The following GRID1 variants were observed in gnomAD, a reference collection of about 807,000 sequenced individuals.
GRID1 encodes the protein glutamate receptor ionotropic, delta-1.
GRID1 carries 28 observed loss-of-function variants against 98.0 expected under a neutral mutation model. The observed-to-expected ratio is 0.29, with a 90% CI of 0.21 to 0.39. The LOEUF (loss-of-function observed/expected upper bound fraction) is 0.39, where lower values mean the gene tolerates loss of function less well. Among genes scored for constraint, GRID1 ranks in the 10% least tolerant of loss-of-function variants. The pLI is 1.00. For missense variants in GRID1, 1,111 were observed against 1,340.5 expected (o/e 0.83, Z 2.67); for synonymous variants, 553 against 538.5 (o/e 1.03, Z -0.37).
rs146283906 is a variant in GRID1, at chr10:85,642,967, G to A, written c.2193+4235C>T. Among the ~76,000 whole-genome samples, 24 of 152,154 alleles carry A rather than the reference G, an allele frequency of 1.6e-4. No homozygotes were observed. The East Asian group carries it at 4.3e-3, about 27-fold the overall frequency. ...GCATGAAGGAGTGGATCTCAGAGGC[G>A]AGCCAACCATGACATAACCCTTCTC... is the stretch of plus-strand genomic sequence containing the variant. On this transcript the variant is annotated intron_variant, in intron 13 of 15. Coordinates refer to ENST00000327946, the MANE Select transcript of GRID1 (RefSeq NM_017551.3).
chr10:86,271,565 G>C (rs1847185415), intron 2 of GRID1, among the ~76,000 whole-genome samples: 1 of 152,208 alleles, frequency 6.6e-6, no homozygotes, highest in Non-Finnish European at 1.5e-5. Context: ...TAGAGACATG[G>C]AAGATTTAAA....
At chr10:86,164,151 T>G (rs1490189392) in intron 3 of GRID1, among the ~76,000 whole-genome samples, 8 of 152,202 alleles carry the variant, frequency 5.3e-5, no homozygotes, top group Non-Finnish European at 2.9e-5. Flanking sequence ...ATTACCCGCT[T>G]CAATTATTTT....
At chr10:85,782,598 A>T (rs2132728232) in intron 8 of GRID1, among the ~76,000 whole-genome samples, 1 of 152,360 alleles carries the variant, frequency 6.6e-6, no homozygotes, top group Admixed American at 6.5e-5. Context: ...AAGAAGAGTT[A>T]TTTGAGTAAA....
At chr10:85,660,832 G>A (rs918190064) in intron 12 of GRID1, among the ~76,000 whole-genome samples, 7 of 152,062 alleles carry the variant, frequency 4.6e-5, no homozygotes, top group Non-Finnish European at 1.0e-4. Flanking sequence ...AAGGAGTTCA[G>A]AACCTAGGCA....
intron 3 of GRID1, among the ~76,000 whole-genome samples, chr10:86,178,825 AAGCC>A (rs1845614296): frequency 6.6e-6 from 1 of 152,126 alleles, no homozygotes. Flanking sequence ...GAGACCCTCA[AAGCC>A]AGTGCCATGT....
At chr10:85,958,411 G>A (rs1478542947) in intron 4 of GRID1, among the ~76,000 whole-genome samples, 1 of 152,144 alleles carries the variant, frequency 6.6e-6, no homozygotes, top group Admixed American at 6.5e-5. Context: ...ATGTCTATTT[G>A]ACTGGGCCAC....
intron 8 of GRID1, among the ~76,000 whole-genome samples, chr10:85,789,012 T>C (rs1842454615): frequency 6.6e-6 from 1 of 151,840 alleles, no homozygotes; most frequent in Admixed American, 6.6e-5. Flanking sequence ...CATTTCTTGA[T>C]TAAGAGGGAA....
chr10:86,157,907 G>A (rs539744853), intron 3 of GRID1, among the ~76,000 whole-genome samples: 16 of 152,310 alleles, frequency 1.1e-4, no homozygotes, highest in Admixed American at 3.9e-4. Context: ...CCTGAGCTCC[G>A]GCTCCAGCTG....
intron 4 of GRID1, among the ~76,000 whole-genome samples, chr10:86,113,121 T>A (rs1287195510): frequency 6.6e-6 from 1 of 152,214 alleles, no homozygotes; most frequent in Non-Finnish European, 1.5e-5. Flanking sequence ...GCTTTCATGC[T>A]TGCCTTCTTA....
At chr10:85,874,406 T>C (rs1381504952) in intron 5 of GRID1, among the ~76,000 whole-genome samples, 2 of 152,226 alleles carry the variant, frequency 1.3e-5, no homozygotes, top group African/African-American at 2.4e-5. Context: ...GACAGTCTGG[T>C]AAGTATGCAT....
intron 2 of GRID1, among the ~76,000 whole-genome samples, chr10:86,350,505 C>G (rs1343425080): frequency 6.6e-6 from 1 of 152,172 alleles, no homozygotes. Context: ...AGGAGAGCAC[C>G]GGCTTGGCTG....
rs1373253593 is a variant in GRID1, at chr10:85,602,272, G to A, written c.*1C>T. ...GGTGGGCAGGAGGGCAGGCGGCGCA[G>A]TCAGATGGAGGTCCCGTGGGAGGTG... On this transcript the variant is annotated 3_prime_UTR_variant, in exon 16 of 16. Transcript: ENST00000327946. The A allele has an allele frequency of 1.3e-5, 20 of 1,505,076 alleles. No homozygotes were observed. The highest frequency in any genetic ancestry group is 4.6e-5 in the Admixed American group (2 of 43,512). The allele number at this position is 1,505,076 out of a possible 1,614,324, so 93.2% of individuals were successfully genotyped here. A position where few individuals can be genotyped will look rare whatever the true frequency, so the allele number is the denominator to read the frequency against.
intron 5 of GRID1, among the ~76,000 whole-genome samples, chr10:85,882,439 A>G (rs1841045929): frequency 6.6e-6 from 1 of 152,146 alleles, no homozygotes; most frequent in African/African-American, 2.4e-5. Flanking sequence ...AATACTATGC[A>G]GCCATAAAAA....
intron 8 of GRID1, among the ~76,000 whole-genome samples, chr10:85,820,157 A>C: frequency 6.6e-6 from 1 of 151,712 alleles, no homozygotes. Flanking sequence ...GAAAGAAAGA[A>C]AGAAAGAAAG....
chr10:85,813,218 T>C (rs958867997), intron 8 of GRID1, among the ~76,000 whole-genome samples: 1 of 151,242 alleles, frequency 6.6e-6, no homozygotes, highest in African/African-American at 2.4e-5. Context: ...AATATATATA[T>C]ATATAAATTA....
At chr10:85,747,533 C>A (rs2132681738) in intron 8 of GRID1, among the ~76,000 whole-genome samples, 1 of 152,272 alleles carries the variant, frequency 6.6e-6, no homozygotes, top group South Asian at 2.1e-4. Flanking sequence ...CTTCCTCCTG[C>A]CCCTTCCTCT....
intron 8 of GRID1, among the ~76,000 whole-genome samples, chr10:85,787,290 T>A (rs1337489169): frequency 6.6e-6 from 1 of 152,126 alleles, no homozygotes; most frequent in East Asian, 1.9e-4. Flanking sequence ...GGTGCTGACA[T>A]CCTCATTGCC....
chr10:85,979,550 A>G (rs1842517408), intron 4 of GRID1, among the ~76,000 whole-genome samples: 1 of 152,140 alleles, frequency 6.6e-6, no homozygotes, highest in South Asian at 2.1e-4. Context: ...TCTTCACATC[A>G]TCTTCCCTCT....
chr10:86,226,219 C>T (rs1025433880), intron 2 of GRID1, among the ~76,000 whole-genome samples: 2 of 151,830 alleles, frequency 1.3e-5, no homozygotes, highest in Admixed American at 6.6e-5. Context: ...CCACCCCTGG[C>T]CGTCACACGT....
Sources: gnomAD v4.1 joint callset for allele counts (sites outside exome capture counted in the v4.1 genomes callset) on GRCh38, gnomAD v4.1.1 for gene constraint, MANE v1.5 for transcripts, NCBI Gene and HGNC (gene_info 2026-07-23, HGNC 2026-07-21) for gene names.